Variants in ACSM6 observed in about 807,000 individuals in gnomAD.
ACSM6 encodes the protein acyl-coenzyme A synthetase ACSM6, mitochondrial.
In ACSM6, 35 loss-of-function variants were observed where a neutral mutation model predicts 51.1. That is an observed-to-expected ratio of 0.69 (90% CI 0.52 to 0.91). The LOEUF (loss-of-function observed/expected upper bound fraction) is 0.91, where lower values mean the gene tolerates loss of function less well. Among genes scored for constraint, ACSM6 ranks in the 40% least tolerant of loss-of-function variants. ACSM6 has a pLI of 0.00. For missense variants in ACSM6, 509 were observed against 584.1 expected (o/e 0.87, Z 1.32); for synonymous variants, 172 against 207.3 (o/e 0.83, Z 1.46).
chr10:95,196,900 C>T (rs2034729646), intron 2 of ACSM6, among the ~76,000 whole-genome samples: 1 of 152,062 alleles, frequency 6.6e-6, no homozygotes, highest in African/African-American at 2.4e-5. Flanking sequence ...TTTATTGTTA[C>T]CCCTCTAAGT....
intron 3 of ACSM6, among the ~76,000 whole-genome samples, chr10:95,206,779 G>A (rs573315032): frequency 6.6e-6 from 1 of 152,304 alleles, no homozygotes; most frequent in Non-Finnish European, 1.5e-5. Context: ...CCCAAGAAGA[G>A]AGGCAGGAAG....
At chr10:95,220,052 G>T in intron 9 of ACSM6, 81 bp downstream of exon 9, 4 of 1,168,576 alleles carry the variant, frequency 3.4e-6, no homozygotes, top group Non-Finnish European at 5.0e-6. Flanking sequence ...TGACATAAAG[G>T]TAGGCAATGA....
chr10:95,207,187 T>C, intron 3 of ACSM6, 21 bp from the exon 4 acceptor site: 1 of 1,571,968 alleles, frequency 6.4e-7, no homozygotes, highest in African/African-American at 1.5e-5. Flanking sequence ...AAATGAAGCC[T>C]TCTTTTGTGG....
rs199518348 is a variant in ACSM6, at chr10:95,220,242, T to TA, written c.1200+279dup. On this transcript the variant is annotated intron_variant, in intron 9 of 10. Transcript: ENST00000341686. ...AAGTTTCAAATATGGAGAAATCGAA[T>TA]AAAAAAAATTGCTATTAAAAAGATA... Among the ~76,000 whole-genome samples the TA allele has an allele frequency of 4.9e-3, 746 of 152,114 alleles. 25 individuals are homozygous for TA. The highest frequency in any genetic ancestry group is 3.8e-3 in the East Asian group (20 of 5,196).
intron 3 of ACSM6, 28 bp downstream of exon 3, chr10:95,202,223 G>A (rs1207986610): frequency 6.5e-7 from 1 of 1,526,846 alleles, no homozygotes; most frequent in East Asian, 2.5e-5. Context: ...GACCCCAGGG[G>A]TTGGAGGCTT....
chr10:95,207,849 C>T (rs1304411479), intron 4 of ACSM6, among the ~76,000 whole-genome samples: 5 of 152,066 alleles, frequency 3.3e-5, no homozygotes, highest in Admixed American at 3.3e-4. Context: ...GTGGCTCATG[C>T]TTGCAATGTC....
At chr10:95,203,090 A>T (rs2034810373) in intron 3 of ACSM6, among the ~76,000 whole-genome samples, 1 of 152,070 alleles carries the variant, frequency 6.6e-6, no homozygotes, top group African/African-American at 2.4e-5. Context: ...GCCACTCCCC[A>T]TTGCTTGCAT....
intron 8 of ACSM6, 148 bp downstream of exon 8, chr10:95,215,123 C>T (rs1321668219): frequency 1.1e-6 from 1 of 881,570 alleles, no homozygotes. Flanking sequence ...TAGGGAGACC[C>T]CTCTTCCATG....
intron 10 of ACSM6, among the ~76,000 whole-genome samples, chr10:95,227,716 T>G (rs992465471): frequency 2.0e-5 from 3 of 152,228 alleles, no homozygotes; most frequent in African/African-American, 7.2e-5. Context: ...AGGTTGTCCA[T>G]TAGATCTAAG....
At chr10:95,224,638 G>C (rs2035022534) in intron 9 of ACSM6, among the ~76,000 whole-genome samples, 1 of 152,098 alleles carries the variant, frequency 6.6e-6, no homozygotes, top group Non-Finnish European at 1.5e-5. Context: ...GACCTCAGGT[G>C]ATCTGCCCAC....
intron 7 of ACSM6, among the ~76,000 whole-genome samples, chr10:95,213,803 G>A (rs1266844841): frequency 6.6e-6 from 1 of 152,152 alleles, no homozygotes. Context: ...AATCATTTAA[G>A]TGTAAATTTC....
At chr10:95,201,958 T>C (rs1374600188) in intron 2 of ACSM6, 27 bp from the exon 3 acceptor site, 2 of 1,541,092 alleles carry the variant, frequency 1.3e-6, no homozygotes, top group Non-Finnish European at 1.8e-6. Flanking sequence ...TGACTAATAT[T>C]CATATTTTAA....
At chr10:95,207,922 C>T (rs980065555) in intron 4 of ACSM6, among the ~76,000 whole-genome samples, 4 of 152,086 alleles carry the variant, frequency 2.6e-5, no homozygotes, top group Admixed American at 2.0e-4. Flanking sequence ...GGGCAGATCA[C>T]CTGACATCAG....
intron 8 of ACSM6, among the ~76,000 whole-genome samples, chr10:95,216,992 G>T (rs2087121808): frequency 6.6e-6 from 1 of 152,162 alleles, no homozygotes; most frequent in Admixed American, 6.5e-5. Context: ...GGTACCTTAG[G>T]CTGGTGGCCA....
At chr10:95,210,943 A>G (rs1434147575) in intron 5 of ACSM6, 150 bp downstream of exon 5, 2 of 886,886 alleles carry the variant, frequency 2.3e-6, no homozygotes, top group East Asian at 2.8e-5. Context: ...GAGGGCCCCA[A>G]AAGATGAAAA....
chr10:95,226,064 G>A (rs1418642887), intron 10 of ACSM6: 1 of 152,148 alleles, frequency 6.6e-6, no homozygotes, highest in African/African-American at 2.4e-5. Context: ...GGAAACATTA[G>A]GTTGTCTCAT....
Position 95,224,155 on chromosome 10 carries a change from G to A in ACSM6, c.1201-1135G>A, listed in dbSNP as rs112122886. Among the ~76,000 whole-genome samples, 127 of 152,142 alleles carry A rather than the reference G, an allele frequency of 8.3e-4. 1 individual carries two copies. Among genetic ancestry groups the A allele is most frequent in the African/African-American group, 3.0e-3 (125 of 41,488 alleles). On this transcript the variant is annotated intron_variant, in intron 9 of 10. Coordinates refer to ENST00000341686, the Ensembl canonical transcript of ACSM6. ...CTTCTTTTCCCAAAGTCTAAAGTTC[G>A]TCATCAAAGTATAAAGATGTATTAT...
intron 1 of ACSM6, 42 bp downstream of exon 1, chr10:95,194,345 C>A: frequency 1.3e-6 from 1 of 745,238 alleles, no homozygotes; most frequent in Non-Finnish European, 2.1e-6. Flanking sequence ...AATGATCTGA[C>A]TGTTGCTTGT....
intron 2 of ACSM6, among the ~76,000 whole-genome samples, chr10:95,197,430 T>C (rs2034742605): frequency 6.6e-6 from 1 of 152,172 alleles, no homozygotes; most frequent in South Asian, 2.1e-4. Context: ...GGCAGGGTGA[T>C]AATAAGGAGA....
Sources: gnomAD v4.1 joint callset for allele counts (sites outside exome capture counted in the v4.1 genomes callset) on GRCh38, gnomAD v4.1.1 for gene constraint, MANE v1.5 for transcripts, NCBI Gene and HGNC (gene_info 2026-07-23, HGNC 2026-07-21) for gene names.